The following BCAS2 variants were observed in gnomAD, a reference collection of about 807,000 sequenced individuals.
The protein encoded by BCAS2 is BCAS2 pre-mRNA processing factor.
A neutral mutation model predicts 35.3 loss-of-function variants in BCAS2; 34 were observed. That is an observed-to-expected ratio of 0.96 (90% confidence interval 0.73 to 1.28). The LOEUF (loss-of-function observed/expected upper bound fraction) is 1.28, where lower values mean the gene tolerates loss of function less well. Among genes scored for constraint, BCAS2 ranks in the 50% most tolerant of loss-of-function variants. The probability of loss-of-function intolerance (pLI) is 0.00; values close to 1 mark genes in which losing one functional copy is unlikely to be tolerated. For synonymous variants in BCAS2, 75 were observed against 91.6 expected (o/e 0.82, Z 1.03); for missense variants, 221 against 268.1 (o/e 0.82, Z 1.23).
chr1:114,573,266 G>A (rs1241395575), intron 4 of BCAS2, among the ~76,000 whole-genome samples: 1 of 151,354 alleles, frequency 6.6e-6, no homozygotes, highest in Non-Finnish European at 1.5e-5. Flanking sequence ...TCCATTCCTG[G>A]AATGTTTTCC....
Position 114,570,200 on chromosome 1 carries a change from G to A in BCAS2, c.471-128C>T, listed in dbSNP as rs1654610722. 4.6e-6 allele frequency: 3 copies of A among 648,800 alleles called. No homozygotes were observed. The East Asian group carries it at 8.4e-5, about 18-fold the overall frequency. 40.2% of individuals were successfully genotyped at this position (648,800 alleles called of 1,614,324 possible). ...TATTATGTACAGTTATAGGCTAACT[G>A]TAGAAATTACCTTTCTTCTAATTAT... On this transcript the variant is annotated intron_variant, in intron 5 of 6. Coordinates refer to ENST00000369541, the MANE Select transcript of BCAS2 (RefSeq NM_005872.3).
rs1654883406 is a variant in BCAS2 at position 114,581,288 on chromosome 1, G to A, written c.186+11C>T. ...AATTCTCGTTCACACCTAGGCTCAA[G>A]ACATACTTACTTCAAAGGCAGAATA... On this transcript the variant is annotated intron_variant, in intron 2 of 6. Coordinates refer to ENST00000369541, the MANE Select transcript of BCAS2 (RefSeq NM_005872.3). The A allele has an allele frequency of 1.9e-6, 3 of 1,613,336 alleles. No homozygotes were observed. The African/African-American group carries it at 4.0e-5, about 22-fold the overall frequency.
At chr1:114,577,522 A>G (rs1570741094) in intron 2 of BCAS2, among the ~76,000 whole-genome samples, 1 of 152,002 alleles carries the variant, frequency 6.6e-6, no homozygotes, top group East Asian at 1.9e-4. Context: ...ATCTGCCACT[A>G]TGCCTGGCTA....
At chr1:114,577,164 T>C (rs1654787573) in intron 2 of BCAS2, among the ~76,000 whole-genome samples, 1 of 152,220 alleles carries the variant, frequency 6.6e-6, no homozygotes, top group African/African-American at 2.4e-5. Flanking sequence ...GCTCAATCCA[T>C]TCATGGGTTA....
At chr1:114,568,658 T>C (rs1188264806) in intron 6 of BCAS2, among the ~76,000 whole-genome samples, 3 of 151,386 alleles carry the variant, frequency 2.0e-5, no homozygotes, top group Non-Finnish European at 4.4e-5. Flanking sequence ...TGAGCTACCA[T>C]GCCTGGCCTA....
At position 114,575,541 on chromosome 1, in the gene BCAS2, G is replaced by GA. The variant is rs768068354; in HGVS notation, c.419+48dup. On this transcript the variant is annotated intron_variant, in intron 4 of 6. Coordinates refer to ENST00000369541, the MANE Select transcript of BCAS2 (RefSeq NM_005872.3). ...ACTAAAACTTTGGGTGAGATGGAAA[G>GA]AAAAGAGAAAAAACAAAAAAAACAG... is the stretch of plus-strand genomic sequence containing the variant. 4.6e-5 allele frequency: 70 copies of GA among 1,536,734 alleles called. No homozygotes were observed. In the East Asian group the frequency reaches 1.6e-3, roughly 34 times the overall value.
chr1:114,578,744 C>A (rs1010665712), intron 2 of BCAS2, among the ~76,000 whole-genome samples: 1 of 152,138 alleles, frequency 6.6e-6, no homozygotes, highest in Non-Finnish European at 1.5e-5. Context: ...TGGACCCTGC[C>A]GATACTGTTC....
chr1:114,570,809 A>G, intron 4 of BCAS2, 59 bp from the exon 5 acceptor site: 1 of 1,242,440 alleles, frequency 8.0e-7, no homozygotes, highest in Non-Finnish European at 1.1e-6. Flanking sequence ...ATTAAAAGTG[A>G]ACTTTTTCAA....
intron 4 of BCAS2, among the ~76,000 whole-genome samples, chr1:114,573,382 C>T (rs887033756): frequency 1.3e-5 from 2 of 151,868 alleles, no homozygotes; most frequent in African/African-American, 4.8e-5. Flanking sequence ...GTGTGTACCA[C>T]CATACCTGGC....
At chr1:114,570,783 C>T (rs1271616034) in intron 4 of BCAS2, 33 bp from the exon 5 acceptor site, 74 of 1,432,062 alleles carry the variant, frequency 5.2e-5, no homozygotes, top group Non-Finnish European at 6.7e-5. Context: ...GATTAAAATA[C>T]ATTAAAATAG....
Position 114,567,609 on chromosome 1 carries a change from A to G in BCAS2, c.*521T>C, listed in dbSNP as rs1325428583. The G allele has an allele frequency of 6.6e-6, 1 of 152,368 alleles. No individual in the cohort carries two copies. Among genetic ancestry groups the G allele is most frequent in the Admixed American group, 6.5e-5 (1 of 15,290 alleles). The allele number at this position is 152,368 out of a possible 1,614,324, so 9.4% of individuals were successfully genotyped here. A position where few individuals can be genotyped will look rare whatever the true frequency, so the allele number is the denominator to read the frequency against. On this transcript the variant is annotated 3_prime_UTR_variant, in exon 7 of 7. Transcript: ENST00000369541. ...TCACATACATCTAGTTCATCTACCT[A>G]AAGTGTTCAGAACAATGTTCAGCAC...
At chr1:114,568,311 A>G in intron 6 of BCAS2, 55 bp from the exon 7 acceptor site, 1 of 1,568,628 alleles carries the variant, frequency 6.4e-7, no homozygotes, top group East Asian at 2.3e-5. Flanking sequence ...CTTCTCTTAG[A>G]AGATTTTATT....
intron 6 of BCAS2, among the ~76,000 whole-genome samples, chr1:114,569,541 T>C (rs1223534459): frequency 6.6e-6 from 1 of 151,998 alleles, no homozygotes; most frequent in Admixed American, 6.6e-5. Flanking sequence ...TCTTGCTCTG[T>C]TGCCCAGGCT....
At chr1:114,570,582 A>T (rs1654619414) in intron 5 of BCAS2, 118 bp downstream of exon 5, 1 of 728,436 alleles carries the variant, frequency 1.4e-6, no homozygotes, top group African/African-American at 1.8e-5. Context: ...GAACAAAGAG[A>T]GTGGATCAAT....
rs946000291 is a variant in BCAS2 at position 114,569,660 on chromosome 1, G to A, written c.551+332C>T. On this transcript the variant is annotated intron_variant, in intron 6 of 6. Coordinates refer to ENST00000369541, the MANE Select transcript of BCAS2 (RefSeq NM_005872.3). The stretch of plus-strand genomic sequence containing the variant: ...TGGGACTACAGACATGTGCCACCGT[G>A]CCTATTTTTTTTTTTTTTCCGTTTA... 9.3e-5 allele frequency among the ~76,000 whole-genome samples: 14 copies of A among 150,624 alleles called. No homozygotes were observed. The East Asian group carries it at 2.7e-3, about 29-fold the overall frequency.
At position 114,581,583 on chromosome 1, in the gene BCAS2, GC is replaced by G; in HGVS notation, c.8del (p.Gly3AlafsTer48). On this transcript the variant is annotated frameshift_variant, in exon 1 of 7. Transcript: ENST00000369541. LOFTEE classifies it high-confidence loss of function. MAGTGLVAGEVVV... is the reference protein window; with the variant it reads MAXTGLVAGEVVV... ...CAACCTCTCCAGCCACCAAACCTGT[GC>G]CCGCCATTCTGAGGACCTCAGGTTT... The G allele has an allele frequency of 6.3e-7, 1 of 1,596,986 alleles. No homozygotes were observed. Among genetic ancestry groups the G allele is most frequent in the Non-Finnish European group, 8.5e-7 (1 of 1,171,746 alleles).
chr1:114,568,752 ATTCT>A (rs1373789811), intron 6 of BCAS2, among the ~76,000 whole-genome samples: 17 of 122,112 alleles, frequency 1.4e-4, no homozygotes, highest in African/African-American at 3.5e-4. Flanking sequence ...ATCTCTCTGT[ATTCT>A]TTTTTTTTTT....
At chr1:114,569,910 G>T in intron 6 of BCAS2, 82 bp downstream of exon 6, 1 of 1,076,808 alleles carries the variant, frequency 9.3e-7, no homozygotes, top group Non-Finnish European at 1.4e-6. Context: ...CATCCCATTT[G>T]AATGCTATTT....
At chr1:114,572,507 A>AT (rs976555786) in intron 4 of BCAS2, among the ~76,000 whole-genome samples, 1 of 152,228 alleles carries the variant, frequency 6.6e-6, no homozygotes, top group African/African-American at 2.4e-5. Flanking sequence ...GAGACAAAAT[A>AT]TGCTTAGGGG....
Sources: allele counts gnomAD v4.1 joint callset (sites outside exome capture counted in the v4.1 genomes callset), GRCh38; gene constraint gnomAD v4.1.1; transcripts MANE v1.5; gene names NCBI Gene and HGNC (gene_info 2026-07-23, HGNC 2026-07-21).